The following CAMTA1 variants were observed in gnomAD, a reference collection of about 807,000 sequenced individuals.
The protein encoded by CAMTA1 is calmodulin binding transcription activator 1.
A neutral mutation model predicts 170.9 loss-of-function variants in CAMTA1; 27 were observed. The observed-to-expected ratio is 0.16, with a 90% CI of 0.12 to 0.22. The LOEUF (loss-of-function observed/expected upper bound fraction) is 0.22, where lower values mean the gene tolerates loss of function less well. Ranked by LOEUF, CAMTA1 falls within the 10% of genes least tolerant of loss-of-function variation. The pLI is 1.00. For synonymous variants in CAMTA1, 833 were observed against 891.5 expected (o/e 0.93, Z 1.17); for missense variants, 1,619 against 2,217.2 (o/e 0.73, Z 5.42).
At chr1:7,281,834 TGTGTGTG>T (rs1671561481) in intron 5 of CAMTA1, among the ~76,000 whole-genome samples, 1 of 151,238 alleles carries the variant, frequency 6.6e-6, no homozygotes, top group African/African-American at 2.4e-5. Flanking sequence ...TGTGTGTGTG[TGTGTGTG>T]TGTATGATTA....
At chr1:7,322,982 C>T (rs1678679238) in intron 5 of CAMTA1, among the ~76,000 whole-genome samples, 1 of 146,562 alleles carries the variant, frequency 6.8e-6, no homozygotes, top group Non-Finnish European at 1.5e-5. Context: ...CCTCCCTTTC[C>T]CCTTCCCTTT....
At chr1:7,278,177 G>T (rs1015452533) in intron 5 of CAMTA1, among the ~76,000 whole-genome samples, 6 of 152,310 alleles carry the variant, frequency 3.9e-5, no homozygotes, top group East Asian at 1.9e-4. Flanking sequence ...AACTGCTCTA[G>T]GGATGTTTGA....
At chr1:7,098,120 T>C (rs114638874) in intron 4 of CAMTA1, among the ~76,000 whole-genome samples, 26 of 152,062 alleles carry the variant, frequency 1.7e-4, no homozygotes, top group South Asian at 6.3e-4. Flanking sequence ...TGTGTGTGTG[T>C]GCACGTGCGC....
At chr1:7,341,962 G>A (rs1328162540) in intron 5 of CAMTA1, among the ~76,000 whole-genome samples, 1 of 152,176 alleles carries the variant, frequency 6.6e-6, no homozygotes. Flanking sequence ...CTGAGTGTAA[G>A]CACACCATGG....
intron 3 of CAMTA1, among the ~76,000 whole-genome samples, chr1:6,901,101 CA>C (rs1197589846): frequency 1.3e-5 from 2 of 152,182 alleles, no homozygotes; most frequent in African/African-American, 4.8e-5. Context: ...CATAGATGCT[CA>C]ATTGGTTTTT....
In CAMTA1 at chr1:6,819,313, T is replaced by A. The variant is rs868526665; in HGVS notation, c.46-868T>A. Among the ~76,000 whole-genome samples the A allele has an allele frequency of 1.1e-4, 17 of 152,308 alleles. 1 individual carries two copies. The South Asian group carries it at 1.4e-3, about 13-fold the overall frequency. On this transcript the variant is annotated intron_variant, in intron 1 of 22. Transcript: ENST00000303635. ...ATATTCAAAAAATTTTCTTTTTTTT[T>A]AAAAAGTTACCGTTGTGTAGGTTTT... is the stretch of plus-strand genomic sequence containing the variant.
At chr1:6,807,628 G>C (rs1165562595) in intron 1 of CAMTA1, among the ~76,000 whole-genome samples, 1 of 151,640 alleles carries the variant, frequency 6.6e-6, no homozygotes, top group Non-Finnish European at 1.5e-5. Context: ...GCTGAGGCAG[G>C]AGAATCGCTT....
At chr1:7,656,643 G>T (rs1189082282) in intron 7 of CAMTA1, among the ~76,000 whole-genome samples, 3 of 152,234 alleles carry the variant, frequency 2.0e-5, no homozygotes, top group Non-Finnish European at 4.4e-5. Flanking sequence ...CAAGGGCATG[G>T]GATGGAGCAG....
intron 3 of CAMTA1, among the ~76,000 whole-genome samples, chr1:7,039,724 C>T (rs1391733857): frequency 6.6e-6 from 1 of 152,184 alleles, no homozygotes; most frequent in Non-Finnish European, 1.5e-5. Context: ...ATTAGGTATC[C>T]AAGCACCTAA....
intron 5 of CAMTA1, among the ~76,000 whole-genome samples, chr1:7,430,984 G>A (rs186956416): frequency 3.1e-4 from 47 of 152,280 alleles, no homozygotes; most frequent in African/African-American, 9.6e-4. Flanking sequence ...TCTGTATTGT[G>A]GAGATATTTC....
chr1:6,916,919 T>C (rs1478188316), intron 3 of CAMTA1, among the ~76,000 whole-genome samples: 1 of 152,180 alleles, frequency 6.6e-6, no homozygotes, highest in Non-Finnish European at 1.5e-5. Context: ...GGCGGAGGCC[T>C]GTTGAGGTAC....
intron 6 of CAMTA1, among the ~76,000 whole-genome samples, chr1:7,526,431 A>G (rs576046905): frequency 1.3e-5 from 2 of 151,538 alleles, no homozygotes; most frequent in African/African-American, 4.8e-5. Context: ...GAGGCTGGCC[A>G]TGGGCCTCCC....
chr1:7,558,259 G>A (rs1315890510), intron 6 of CAMTA1, among the ~76,000 whole-genome samples: 1 of 152,232 alleles, frequency 6.6e-6, no homozygotes, highest in Non-Finnish European at 1.5e-5. Flanking sequence ...CCCGCCCGCT[G>A]CCTCTGCTCC....
chr1:6,826,144 G>A (rs970782983), intron 3 of CAMTA1, among the ~76,000 whole-genome samples: 2 of 152,178 alleles, frequency 1.3e-5, no homozygotes, highest in Non-Finnish European at 2.9e-5. Context: ...ATTCTTTGGC[G>A]CTAACTACTT....
chr1:6,850,025 A>G (rs1298507415), intron 3 of CAMTA1, among the ~76,000 whole-genome samples: 2 of 149,082 alleles, frequency 1.3e-5, no homozygotes, highest in African/African-American at 5.0e-5. Flanking sequence ...ACAGAGCAAG[A>G]CTTTGTCTCA....
chr1:7,595,550 G>A (rs2095393358), intron 6 of CAMTA1, among the ~76,000 whole-genome samples: 2 of 152,160 alleles, frequency 1.3e-5, no homozygotes, highest in African/African-American at 4.8e-5. Flanking sequence ...CACGGAGCCC[G>A]GACACCGCCG....
intron 6 of CAMTA1, among the ~76,000 whole-genome samples, chr1:7,481,925 C>G (rs2093544143): frequency 6.6e-6 from 1 of 151,944 alleles, no homozygotes; most frequent in African/African-American, 2.4e-5. Flanking sequence ...AAGCCCACAT[C>G]AAGATTTGGA....
rs563997643 is a variant in CAMTA1 at position 6,934,144 on chromosome 1, C to T, written c.234+108934C>T. Among the ~76,000 whole-genome samples, 15 of 152,260 alleles carry T rather than the reference C, an allele frequency of 9.9e-5. No individual in the cohort carries two copies. In the South Asian group the frequency reaches 1.5e-3, roughly 15 times the overall value. ...TATGAGTGACTGAGGGGCCAGCGCC[C>T]GTGGTCGGCAGAAGGGGAGGTTATT... On this transcript the variant is annotated intron_variant, in intron 3 of 22. Coordinates refer to ENST00000303635, the MANE Select transcript of CAMTA1 (RefSeq NM_015215.4). The surrounding 1 kb of genome is among the most constrained non-coding windows in gnomAD (Gnocchi z 4.5).
intron 5 of CAMTA1, among the ~76,000 whole-genome samples, chr1:7,357,805 C>A (rs1453685557): frequency 6.6e-6 from 1 of 152,144 alleles, no homozygotes; most frequent in African/African-American, 2.4e-5. Context: ...CAGGGAAATC[C>A]CTGGAAAGGA....
Sources: gnomAD v4.1 joint callset for allele counts (sites outside exome capture counted in the v4.1 genomes callset) on GRCh38, gnomAD v4.1.1 for gene constraint, Gnocchi (gnomAD v3.1) non-coding constraint, MANE v1.5 for transcripts, NCBI Gene and HGNC (gene_info 2026-07-23, HGNC 2026-07-21) for gene names.